CDH13: variants seen among roughly 807,000 people sequenced by gnomAD.
The protein encoded by CDH13 is cadherin 13.
In CDH13, 24 loss-of-function variants were observed where a neutral mutation model predicts 63.8. The observed-to-expected ratio is 0.38, with a 90% CI of 0.27 to 0.53. CDH13 has a LOEUF of 0.53. Among genes scored for constraint, CDH13 ranks in the 20% least tolerant of loss-of-function variants. CDH13 has a pLI of 0.85. For missense variants in CDH13, 1,049 were observed against 903.1 expected, an observed-to-expected ratio of 1.16 and a Z score of -2.07; for synonymous variants, 503 against 355.3, an observed-to-expected ratio of 1.42 and a Z score of -4.67.
At chr16:83,236,627 C>G (rs1011152386) in intron 5 of CDH13, among the ~76,000 whole-genome samples, 2 of 152,104 alleles carry the variant, frequency 1.3e-5, no homozygotes, top group Admixed American at 6.5e-5. Flanking sequence ...TTAACTATCT[C>G]TGTTAACATA....
At chr16:83,339,427 G>A (rs1567602875) in intron 5 of CDH13, among the ~76,000 whole-genome samples, 1 of 152,074 alleles carries the variant, frequency 6.6e-6, no homozygotes, top group African/African-American at 2.4e-5. Context: ...ATAAAGCTGG[G>A]CCCCTAAAAA....
chr16:82,888,779 T>C (rs16958809), intron 2 of CDH13, among the ~76,000 whole-genome samples: 9,043 of 152,300 alleles, frequency 0.059, 315 homozygotes, highest in Middle Eastern at 0.1. Context: ...CCCCGTGAAA[T>C]GTAAACTTCG....
chr16:83,490,034 CA>C (rs1567708029), intron 7 of CDH13, among the ~76,000 whole-genome samples: 1 of 149,780 alleles, frequency 6.7e-6, no homozygotes, highest in Admixed American at 6.6e-5. Flanking sequence ...CACACACACA[CA>C]CACACACACA....
At chr16:82,841,426 C>T (rs1247243291) in intron 1 of CDH13, among the ~76,000 whole-genome samples, 1 of 152,156 alleles carries the variant, frequency 6.6e-6, no homozygotes, top group Admixed American at 6.5e-5. Context: ...CTTTCAAGGT[C>T]AAATTGATTA....
chr16:82,804,064 C>G (rs562482103), intron 1 of CDH13, among the ~76,000 whole-genome samples: 1 of 152,046 alleles, frequency 6.6e-6, no homozygotes, highest in Non-Finnish European at 1.5e-5. Flanking sequence ...CTTGTCTCTA[C>G]TAAAAATATA....
intron 8 of CDH13, among the ~76,000 whole-genome samples, chr16:83,630,239 T>G (rs985287177): frequency 1.3e-5 from 2 of 152,172 alleles, no homozygotes; most frequent in Non-Finnish European, 2.9e-5. Flanking sequence ...TGCTTTGTAA[T>G]AAAGGTTAAA....
intron 2 of CDH13, among the ~76,000 whole-genome samples, chr16:82,940,136 T>C (rs1468805148): frequency 6.6e-6 from 1 of 152,152 alleles, no homozygotes; most frequent in Non-Finnish European, 1.5e-5. Flanking sequence ...TCCCACAACG[T>C]GTGGGAATTA....
chr16:83,667,796 G>A (rs186694536), intron 8 of CDH13, among the ~76,000 whole-genome samples: 7 of 151,832 alleles, frequency 4.6e-5, no homozygotes, highest in South Asian at 4.2e-4. Flanking sequence ...TATGTGGGAC[G>A]ACAGGCACGT....
chr16:82,688,521 A>G (rs558203709), intron 1 of CDH13, among the ~76,000 whole-genome samples: 3 of 152,340 alleles, frequency 2.0e-5, no homozygotes, highest in East Asian at 3.9e-4. Context: ...TGCATTTTCC[A>G]TCAATGGAGA....
intron 2 of CDH13, among the ~76,000 whole-genome samples, chr16:82,909,513 T>C (rs2041760804): frequency 6.7e-6 from 1 of 149,182 alleles, no homozygotes; most frequent in Non-Finnish European, 1.5e-5. Context: ...ACTGGGTAAT[T>C]TATAAAGAAA....
At chr16:83,483,213 G>A (rs769442685) in intron 6 of CDH13, among the ~76,000 whole-genome samples, 24 of 152,120 alleles carry the variant, frequency 1.6e-4, no homozygotes, top group East Asian at 1.9e-4. Flanking sequence ...GGCACAATGC[G>A]GTTCCCTCAG....
intron 4 of CDH13, among the ~76,000 whole-genome samples, chr16:83,179,013 T>A (rs1490445977): frequency 6.6e-6 from 1 of 152,196 alleles, no homozygotes; most frequent in Non-Finnish European, 1.5e-5. Flanking sequence ...TTTACACAAC[T>A]ATTTGTTCAT....
chr16:83,107,864 G>C (rs189158384), intron 3 of CDH13, among the ~76,000 whole-genome samples: 1 of 151,834 alleles, frequency 6.6e-6, no homozygotes, highest in East Asian at 1.9e-4. Context: ...CTGTTGCCCA[G>C]GCTGGAGTGC....
intron 2 of CDH13, among the ~76,000 whole-genome samples, chr16:82,960,827 A>G (rs924120151): frequency 6.6e-6 from 1 of 152,146 alleles, no homozygotes; most frequent in East Asian, 1.9e-4. Flanking sequence ...TTTAAAAAAA[A>G]TTATTGTTAA....
chr16:83,057,754 A>G (rs1482423446), intron 3 of CDH13, among the ~76,000 whole-genome samples: 1 of 152,176 alleles, frequency 6.6e-6, no homozygotes, highest in Non-Finnish European at 1.5e-5. Flanking sequence ...TAAACCGTCT[A>G]AGATAAGATC....
At chr16:83,441,686 C>T (rs550921944) in intron 6 of CDH13, among the ~76,000 whole-genome samples, 30 of 152,102 alleles carry the variant, frequency 2.0e-4, no homozygotes, top group Non-Finnish European at 4.1e-4. Flanking sequence ...TGTCAGTTAG[C>T]TCTGTGACAG....
In CDH13 at chr16:83,420,736, G is replaced by A. The variant is rs189126440; in HGVS notation, c.782-65741G>A. ...GCTGGGGAACAGAGAAGTCCATAGT[G>A]GCTCAGTCCGAATCCGAGAGCCCCA... On this transcript the variant is annotated intron_variant, in intron 6 of 13. Coordinates refer to ENST00000567109, the MANE Select transcript of CDH13 (RefSeq NM_001257.5). Among the ~76,000 whole-genome samples, 61 of 152,324 alleles carry A rather than the reference G, an allele frequency of 4.0e-4. 1 individual carries two copies. The highest frequency in any genetic ancestry group is 1.4e-3 in the African/African-American group (60 of 41,584).
intron 1 of CDH13, chr16:82,826,730 T>C (rs1054471344): frequency 2.0e-5 from 3 of 152,208 alleles, no homozygotes; most frequent in African/African-American, 7.2e-5. Context: ...GCTTTTTTGA[T>C]TTGTAAGTAA....
chr16:82,805,515 G>A (rs1047407800), intron 1 of CDH13, among the ~76,000 whole-genome samples: 2 of 152,146 alleles, frequency 1.3e-5, no homozygotes, highest in Non-Finnish European at 2.9e-5. Flanking sequence ...AAATGAGTTC[G>A]GGGGCCTATA....
Sources: gnomAD v4.1 joint callset for allele counts (sites outside exome capture counted in the v4.1 genomes callset) on GRCh38, gnomAD v4.1.1 for gene constraint, MANE v1.5 for transcripts, NCBI Gene and HGNC (gene_info 2026-07-23, HGNC 2026-07-21) for gene names.